The following ADGRV1 variants were observed in gnomAD, a reference collection of about 807,000 sequenced individuals.
ADGRV1 encodes the protein G-protein coupled receptor 98.
ADGRV1 carries 359 observed loss-of-function variants against 596.2 expected under a neutral mutation model. The observed-to-expected ratio is 0.60, with a 90% CI of 0.55 to 0.66. ADGRV1 has a LOEUF of 0.66. Ranked by LOEUF, ADGRV1 falls within the 30% of genes least tolerant of loss-of-function variation. ADGRV1 has a pLI of 0.00. For synonymous variants in ADGRV1, 2,681 were observed against 2,679.2 expected, an observed-to-expected ratio of 1.00 and a Z score of -0.02; for missense variants, 7,274 against 7,575.6, an observed-to-expected ratio of 0.96 and a Z score of 1.48.
chr5:90,712,381 T>C lies in ADGRV1; in HGVS notation c.9137T>C (p.Ile3046Thr). The C allele has an allele frequency of 6.3e-7, 1 of 1,588,108 alleles. No homozygotes were observed. Among genetic ancestry groups the C allele is most frequent in the Non-Finnish European group, 8.6e-7 (1 of 1,164,008 alleles). The change falls in exon 42 of 90, where the codon ATT becomes ACT. Residue 3046 changes from isoleucine (I) to threonine (T), a missense_variant. This residue lies in a region of ADGRV1 where 3,643 missense variants were observed against 3,809.2 expected (regional missense o/e 0.96). Coordinates refer to ENST00000405460, the MANE Select transcript of ADGRV1 (RefSeq NM_032119.4). ...GAAGGAGATGAAAAATTTCAGCTGA[T>C]TTTAACAAATCCTTCTCCTGGACTA... ...IPEGDEKFQL[I>T]LTNPSPGLEL...
rs375632680 is a variant in ADGRV1, at chr5:90,763,312, T to C, written c.12128T>C (p.Ile4043Thr). The change falls in exon 59 of 90, where the codon ATT becomes ACT. Residue 4043 changes from isoleucine to threonine, a missense_variant. By Grantham distance (89) the Ile-to-Thr change is moderately conservative. This residue lies in a region of ADGRV1 where 3,643 missense variants were observed against 3,809.2 expected (regional missense o/e 0.96). Coordinates refer to ENST00000405460, the MANE Select transcript of ADGRV1 (RefSeq NM_032119.4). ...VFGFEEKTVM[I>T]DESLSSDDPD... ...TGAATTTTCTTCTTTCAGGTAATGA[T>C]TGATGAATCCCTTTCATCCGATGAC... 213 of 1,563,534 alleles carry C rather than the reference T, an allele frequency of 1.4e-4. 1 individual carries two copies. Among genetic ancestry groups the C allele is most frequent in the Non-Finnish European group, 1.8e-4 (207 of 1,147,146 alleles).
intron 75 of ADGRV1, among the ~76,000 whole-genome samples, chr5:90,818,036 C>G: frequency 6.6e-6 from 1 of 151,860 alleles, no homozygotes; most frequent in Non-Finnish European, 1.5e-5. Context: ...TTGATTCTTC[C>G]TACCCATGAG....
At chr5:91,046,662 A>G (rs1319530996) in intron 85 of ADGRV1, among the ~76,000 whole-genome samples, 3 of 152,246 alleles carry the variant, frequency 2.0e-5, no homozygotes, top group Non-Finnish European at 4.4e-5. Context: ...AAAGACGAAC[A>G]GCTGGGACTT....
chr5:91,043,336 C>T (rs565319385), intron 85 of ADGRV1, among the ~76,000 whole-genome samples: 12 of 152,220 alleles, frequency 7.9e-5, no homozygotes, highest in Admixed American at 1.3e-4. Context: ...CTGATAAACC[C>T]TACTTTTAAA....
At position 90,848,703 on chromosome 5, in the gene ADGRV1, T is replaced by C. The variant is rs1766163003; in HGVS notation, c.17086T>C (p.Cys5696Arg). 1.3e-6 allele frequency: 2 copies of C among 1,589,004 alleles called. No individual in the cohort carries two copies. The highest frequency in any genetic ancestry group is 1.7e-6 in the Non-Finnish European group (2 of 1,170,400). Residue 5696 changes from cysteine to arginine, a missense_variant, in exon 79 of 90, where the codon TGT (cysteine) becomes CGT (arginine). Transcript: ENST00000405460. ...ASRTLFYEIL[C>R]SLINPKRKDT... Reference sequence around the variant, plus strand: ...CCGAACTCTTTTCTATGAGATTCTTTGTTCTCTTATTAACCCAAAGCGCAA... The same window carrying C: ...CCGAACTCTTTTCTATGAGATTCTTCGTTCTCTTATTAACCCAAAGCGCAA...
intron 77 of ADGRV1, among the ~76,000 whole-genome samples, chr5:90,839,044 A>G (rs1765207013): frequency 6.6e-6 from 1 of 152,074 alleles, no homozygotes; most frequent in East Asian, 1.9e-4. Flanking sequence ...CTCATTCCCT[A>G]CTATATCCTA....
chr5:90,562,476 C>T (rs556346564), intron 1 of ADGRV1, among the ~76,000 whole-genome samples: 4 of 152,196 alleles, frequency 2.6e-5, no homozygotes, highest in South Asian at 4.1e-4. Flanking sequence ...GAGGCACAAG[C>T]GGCTGTGGTA....
intron 1 of ADGRV1, among the ~76,000 whole-genome samples, chr5:90,611,130 T>A (rs1330522409): frequency 1.3e-5 from 2 of 152,008 alleles, no homozygotes; most frequent in Non-Finnish European, 2.9e-5. Flanking sequence ...CGTTGCATGA[T>A]GTACAGGTAC....
intron 84 of ADGRV1, among the ~76,000 whole-genome samples, chr5:90,973,982 A>G (rs529609424): frequency 2.0e-4 from 30 of 152,224 alleles, no homozygotes; most frequent in Non-Finnish European, 5.9e-5. Flanking sequence ...TCTCAAGCTG[A>G]TAAGCAACTT....
At chr5:90,587,555 CT>C (rs35819836) in intron 1 of ADGRV1, among the ~76,000 whole-genome samples, 62,694 of 138,120 alleles carry the variant, frequency 0.45, 14,160 homozygotes, top group East Asian at 0.6. Context: ...TTTTCTGTGT[CT>C]TTTTTTTTTT....
At chr5:91,149,852 GAA>G (rs1795880118) in intron 87 of ADGRV1, among the ~76,000 whole-genome samples, 176 bp from the exon 88 acceptor site, 1 of 126,528 alleles carries the variant, frequency 7.9e-6, no homozygotes, top group East Asian at 2.4e-4. Flanking sequence ...AAAAAAAAGA[GAA>G]AGAAAAAAAG....
intron 83 of ADGRV1, among the ~76,000 whole-genome samples, chr5:90,923,375 T>C (rs1774073182): frequency 6.6e-6 from 1 of 152,074 alleles, no homozygotes; most frequent in African/African-American, 2.4e-5. Flanking sequence ...AGAAATTTTC[T>C]TTGAAATCAA....
intron 83 of ADGRV1, among the ~76,000 whole-genome samples, chr5:90,933,968 C>G (rs1775469290): frequency 6.6e-6 from 1 of 152,138 alleles, no homozygotes; most frequent in Admixed American, 6.5e-5. Context: ...GGGAGGTAGG[C>G]AAGGGGCCTG....
At chr5:91,141,292 C>T (rs1582187319) in intron 87 of ADGRV1, among the ~76,000 whole-genome samples, 1 of 152,224 alleles carries the variant, frequency 6.6e-6, no homozygotes, top group East Asian at 1.9e-4. Flanking sequence ...TGAATAGTGT[C>T]CCCTAAATTA....
At chr5:90,839,656 T>C (rs1042739919) in intron 77 of ADGRV1, among the ~76,000 whole-genome samples, 1 of 152,256 alleles carries the variant, frequency 6.6e-6, no homozygotes, top group Non-Finnish European at 1.5e-5. Context: ...AAGATCCTTA[T>C]GTAGCCTATT....
At chr5:91,099,791 G>T (rs1213485553) in intron 86 of ADGRV1, among the ~76,000 whole-genome samples, 1 of 152,086 alleles carries the variant, frequency 6.6e-6, no homozygotes, top group Non-Finnish European at 1.5e-5. Flanking sequence ...CGTGATGTTG[G>T]GTTGGAATTA....
rs1561542903 is a variant in ADGRV1 at position 90,694,505 on chromosome 5, C to T, written c.7749C>T (p.Tyr2583=). The part of the protein sequence containing the change: ...NGDAFGVFVI[Y]NISPNTSEDG... ...ATGCCTTTGGAGTGTTTGTGATCTACAATATTAGTCCCAATACTTCCGAAG... is the reference window on the plus strand; with the variant it reads ...ATGCCTTTGGAGTGTTTGTGATCTATAATATTAGTCCCAATACTTCCGAAG... The change falls in exon 33 of 90, where the codon TAC becomes TAT. Residue 2583 remains tyrosine (Y), a synonymous_variant. Transcript: ENST00000405460. 6.2e-7 allele frequency: 1 copy of T among 1,613,944 alleles called. No individual in the cohort carries two copies. Among genetic ancestry groups the T allele is most frequent in the Non-Finnish European group, 8.5e-7 (1 of 1,179,854 alleles).
chr5:90,733,390 T>C (rs780742918), intron 50 of ADGRV1, among the ~76,000 whole-genome samples: 2 of 152,106 alleles, frequency 1.3e-5, no homozygotes, highest in African/African-American at 2.4e-5. Flanking sequence ...AGAAAGAAAT[T>C]GGAGTTAAAG....
At chr5:91,062,074 A>G (rs551383860) in intron 85 of ADGRV1, among the ~76,000 whole-genome samples, 3 of 152,308 alleles carry the variant, frequency 2.0e-5, no homozygotes. Context: ...GCTAGAAACC[A>G]GAGCCACATT....
Sources: gnomAD v4.1 joint callset for allele counts (sites outside exome capture counted in the v4.1 genomes callset) on GRCh38, gnomAD v4.1.1 for gene constraint, gnomAD v4.1.1 regional missense constraint, MANE v1.5 for transcripts, NCBI Gene and HGNC (gene_info 2026-07-23, HGNC 2026-07-21) for gene names.